Variants in TBC1D1 observed in about 807,000 individuals in gnomAD.
The protein encoded by TBC1D1 is TBC1 (tre-2/USP6, BUB2, cdc16) domain family, member 1.
A neutral mutation model predicts 125.6 loss-of-function variants in TBC1D1; 89 were observed. The observed-to-expected ratio is 0.71, with a 90% CI of 0.60 to 0.85. The LOEUF (loss-of-function observed/expected upper bound fraction) is 0.85. TBC1D1 is among the 40% of genes least tolerant of loss of function. TBC1D1 has a pLI of 0.00. For missense variants in TBC1D1, 1,377 were observed against 1,469.2 expected (o/e 0.94, Z 1.03); for synonymous variants, 565 against 564.1 (o/e 1.00, Z -0.02).
intron 2 of TBC1D1, among the ~76,000 whole-genome samples, chr4:37,991,167 A>C (rs769910414): frequency 8.6e-5 from 13 of 151,654 alleles, no homozygotes; most frequent in Non-Finnish European, 1.9e-4. Context: ...AGAGGTAATA[A>C]TTTCCCAAAT....
chr4:38,106,690 C>T (rs1402964150), intron 15 of TBC1D1, among the ~76,000 whole-genome samples: 1 of 152,198 alleles, frequency 6.6e-6, no homozygotes, highest in Non-Finnish European at 1.5e-5. Context: ...CATTCCCCTG[C>T]AGTATCCCCT....
chr4:37,930,307 T>A (rs903348987), intron 2 of TBC1D1, among the ~76,000 whole-genome samples: 4 of 152,098 alleles, frequency 2.6e-5, no homozygotes, highest in Non-Finnish European at 5.9e-5. Context: ...AGAACTGATG[T>A]ATTGTTTAGG....
intron 2 of TBC1D1, among the ~76,000 whole-genome samples, chr4:37,912,130 C>T (rs1718755486): frequency 2.0e-5 from 3 of 152,208 alleles, no homozygotes; most frequent in African/African-American, 2.4e-5. Flanking sequence ...ACAATGCTCC[C>T]CTCTCTGTTT....
At chr4:37,911,111 C>T (rs1718504765) in intron 2 of TBC1D1, among the ~76,000 whole-genome samples, 3 of 148,372 alleles carry the variant, frequency 2.0e-5, no homozygotes, top group South Asian at 2.1e-4. Flanking sequence ...CACAGAGTGA[C>T]CGTAGGTTCT....
chr4:38,074,510 C>T (rs775375597), intron 12 of TBC1D1, among the ~76,000 whole-genome samples: 1 of 152,090 alleles, frequency 6.6e-6, no homozygotes, highest in Non-Finnish European at 1.5e-5. Flanking sequence ...GTGCAGCACT[C>T]GATTTTCTAT....
intron 2 of TBC1D1, among the ~76,000 whole-genome samples, chr4:37,945,487 T>C (rs1726492557): frequency 8.9e-6 from 1 of 112,302 alleles, no homozygotes; most frequent in Non-Finnish European, 1.6e-5. Context: ...CACTCCAGCC[T>C]GGGCAACAGA....
intron 2 of TBC1D1, among the ~76,000 whole-genome samples, chr4:37,954,863 T>G (rs1578026972): frequency 1.1e-5 from 1 of 91,710 alleles, no homozygotes; most frequent in African/African-American, 4.5e-5. Context: ...CTCTTAGCAG[T>G]GGATTTTTTT....
chr4:38,055,999 G>T (rs1310807182), intron 12 of TBC1D1, among the ~76,000 whole-genome samples: 1 of 152,322 alleles, frequency 6.6e-6, no homozygotes, highest in East Asian at 1.9e-4. Context: ...GGAAATTTCT[G>T]CTCGGAAATG....
chr4:38,119,542 G>A lies in TBC1D1; in HGVS notation c.2962+1350G>A, dbSNP rs2068077. 5.1e-3 allele frequency among the ~76,000 whole-genome samples: 778 copies of A among 151,504 alleles called. 6 individuals carry two copies. The highest frequency in any genetic ancestry group is 0.018 in the African/African-American group (744 of 41,318). ...AAAAAAAAAAAAAGATTAACTAAAA[G>A]CCTCAAAATTGTGTGCTTAGTTTAT... On this transcript the variant is annotated intron_variant, in intron 17 of 19. Coordinates refer to ENST00000261439, the MANE Select transcript of TBC1D1 (RefSeq NM_015173.4).
chr4:38,048,541 CT>C (rs545432990), intron 10 of TBC1D1, among the ~76,000 whole-genome samples: 5,608 of 131,740 alleles, frequency 0.043, 124 homozygotes, highest in African/African-American at 0.071. Flanking sequence ...AAACACATTT[CT>C]TTTTTTTTTT....
intron 13 of TBC1D1, among the ~76,000 whole-genome samples, chr4:38,095,317 C>A (rs116027594): frequency 3.5e-3 from 540 of 152,190 alleles, no homozygotes; most frequent in African/African-American, 0.012. Context: ...TGATATTACT[C>A]CCCCCTGGGC....
At chr4:38,052,577 C>T (rs181443517) in intron 11 of TBC1D1, among the ~76,000 whole-genome samples, 35 of 152,102 alleles carry the variant, frequency 2.3e-4, no homozygotes, top group African/African-American at 6.0e-4. Flanking sequence ...TCAAGTGATC[C>T]GCCTGCCTCA....
At chr4:37,952,158 C>A in intron 2 of TBC1D1, 1 of 706,914 alleles carries the variant, frequency 1.4e-6, no homozygotes, top group South Asian at 1.5e-5. Flanking sequence ...GCTTCTAGTT[C>A]ATCCCAGTGG....
intron 12 of TBC1D1, among the ~76,000 whole-genome samples, chr4:38,083,452 A>G (rs997274270): frequency 1.3e-5 from 2 of 152,192 alleles, no homozygotes; most frequent in East Asian, 1.9e-4. Context: ...TTAAACCTGT[A>G]TGGATTTTAC....
intron 12 of TBC1D1, among the ~76,000 whole-genome samples, chr4:38,085,510 T>G (rs1757338400): frequency 6.6e-6 from 1 of 152,162 alleles, no homozygotes. Flanking sequence ...CATTTTACAC[T>G]GGGGGACTGG....
rs201742037 is a variant in TBC1D1 at position 37,960,996 on chromosome 4, G to A, written c.418-53513G>A. ...TGCAGTCTCCTTCAAGCATTCTGTC[G>A]ACCCTGGATGTTGAATTGCCAGCTG... is the stretch of plus-strand genomic sequence containing the variant. On this transcript the variant is annotated intron_variant, in intron 2 of 19. Coordinates refer to ENST00000261439, the MANE Select transcript of TBC1D1 (RefSeq NM_015173.4). 418 of 1,614,166 alleles carry A rather than the reference G, an allele frequency of 2.6e-4. No homozygotes were observed. The African/African-American group carries it at 5.1e-3, about 20-fold the overall frequency.
At chr4:37,973,325 C>CT (rs2152348411) in intron 2 of TBC1D1, among the ~76,000 whole-genome samples, 1 of 152,270 alleles carries the variant, frequency 6.6e-6, no homozygotes, top group African/African-American at 2.4e-5. Context: ...ACAATGAACC[C>CT]TTCATGTCCT....
At chr4:38,121,979 C>G (rs1763925909) in intron 17 of TBC1D1, among the ~76,000 whole-genome samples, 1 of 152,182 alleles carries the variant, frequency 6.6e-6, no homozygotes, top group South Asian at 2.1e-4. Flanking sequence ...TCCTTCAACT[C>G]TGAATTCAAG....
At chr4:37,971,029 A>G (rs1731909766) in intron 2 of TBC1D1, among the ~76,000 whole-genome samples, 1 of 152,130 alleles carries the variant, frequency 6.6e-6, no homozygotes, top group Non-Finnish European at 1.5e-5. Flanking sequence ...CCTCCTCAAA[A>G]GAAGAAATTG....
Sources: gnomAD v4.1 joint callset for allele counts (sites outside exome capture counted in the v4.1 genomes callset) on GRCh38, gnomAD v4.1.1 for gene constraint, MANE v1.5 for transcripts, NCBI Gene and HGNC (gene_info 2026-07-23, HGNC 2026-07-21) for gene names.